CROCC2: variants seen among roughly 807,000 people sequenced by gnomAD.
The protein encoded by CROCC2 is ciliary rootlet coiled-coil protein 2.
A neutral mutation model predicts 177.6 loss-of-function variants in CROCC2; 163 were observed. The observed-to-expected ratio is 0.92, with a 90% CI of 0.81 to 1.05. CROCC2 has a LOEUF of 1.05. Among genes scored for constraint, CROCC2 ranks in the 50% least tolerant of loss-of-function variants. The pLI is 0.00. For missense variants in CROCC2, 1,929 were observed against 1,797.8 expected (o/e 1.07, Z -1.32); for synonymous variants, 904 against 787.3 (o/e 1.15, Z -2.48).
Position 240,953,300 on chromosome 2 carries a change from C to T in CROCC2, c.2830-2559C>T, listed in dbSNP as rs748304112. Among the ~76,000 whole-genome samples the T allele has an allele frequency of 8.6e-5, 13 of 151,804 alleles. No individual in the cohort carries two copies. Among genetic ancestry groups the T allele is most frequent in the Admixed American group, 2.6e-4 (4 of 15,254 alleles). ...TGTGGTGGTGGGTGCCTGTAATCCC[C>T]GCTACTCAGGAGGCTGAGGCAGGAG... On this transcript the variant is annotated intron_variant, in intron 18 of 31. Coordinates refer to ENST00000690015, the MANE Select transcript of CROCC2 (RefSeq NM_001351305.2). The surrounding 1 kb of genome is among the most constrained non-coding windows in gnomAD (Gnocchi z 4.0).
At position 240,909,966 on chromosome 2, in the gene CROCC2, C is replaced by A. The variant is rs117746841; in HGVS notation, c.78+3375C>A. ...GGCCCCCTGTGACCAGGGGTGGTGG[C>A]TCTGGACGGATGGCGAACATGCTCC... On this transcript the variant is annotated intron_variant, in intron 1 of 31. Coordinates refer to ENST00000690015, the MANE Select transcript of CROCC2 (RefSeq NM_001351305.2). Among the ~76,000 whole-genome samples the A allele has an allele frequency of 9.5e-4, 145 of 152,212 alleles. 3 individuals are homozygous for A. The East Asian group carries it at 0.027, about 29-fold the overall frequency.
rs149928632 is a variant in CROCC2 at position 240,990,448 on chromosome 2, C to G, written c.4863+615C>G. ...TCTGTTCATTTTACAGATGAGGAAA[C>G]TGAGGCCCAGGAGGTGACCTGACTG... On this transcript the variant is annotated intron_variant, in intron 30 of 31. Transcript: ENST00000690015. 1.4e-4 allele frequency among the ~76,000 whole-genome samples: 22 copies of G among 152,328 alleles called. No individual in the cohort carries two copies. In the East Asian group the frequency reaches 4.1e-3, roughly 28 times the overall value.
intron 12 of CROCC2, 86 bp from the exon 13 acceptor site, chr2:240,934,830 G>A: frequency 7.4e-7 from 1 of 1,358,938 alleles, no homozygotes; most frequent in Non-Finnish European, 9.7e-7. Context: ...ACACCTCCGT[G>A]GCTCAGGGCT....
rs547588945 is a variant in CROCC2, at chr2:240,946,133, C to T, written c.2243C>T (p.Thr748Ile). The T allele has an allele frequency of 5.8e-6, 9 of 1,547,174 alleles. No homozygotes were observed. In the East Asian group the frequency reaches 1.7e-4, roughly 29 times the overall value. Residue 748 changes from threonine to isoleucine, a missense_variant, in exon 15 of 32, where the codon ACT (threonine) becomes ATT (isoleucine). Physicochemically the swap from Thr to Ile is moderately conservative, Grantham distance 89. Around this residue, in one of 3 missense-constraint regions of CROCC2, gnomAD observed 1,397 missense variants for 1,239.9 expected, o/e 1.13. Coordinates refer to ENST00000690015, the MANE Select transcript of CROCC2 (RefSeq NM_001351305.2). ...CAGGACCAGGAGGCCCAGATGGGCA[C>T]TCTGCAGCAAGCCCTGCAAGGAAAG... The part of the protein sequence containing the change: ...SLQDQEAQMG[T>I]LQQALQGKDA...
At chr2:240,928,433 T>TGTGC (rs1430838461) in intron 5 of CROCC2, among the ~76,000 whole-genome samples, 1 of 148,496 alleles carries the variant, frequency 6.7e-6, no homozygotes, top group Non-Finnish European at 1.5e-5. Flanking sequence ...TGTGTGTGTG[T>TGTGC]GTGTGTGTGT....
At position 240,918,307 on chromosome 2, in the gene CROCC2, C is replaced by T. The variant is rs532105784; in HGVS notation, c.79-419C>T. Among the ~76,000 whole-genome samples, 38 of 152,278 alleles carry T rather than the reference C, an allele frequency of 2.5e-4. No individual in the cohort carries two copies. Among genetic ancestry groups the T allele is most frequent in the African/African-American group, 9.1e-4 (38 of 41,564 alleles). ...ATCTAGGTCCCTCCTCTGGCCCCACCGTGCAAACAAGCTGTGAGACCACCT... is the reference window on the plus strand; with the variant it reads ...ATCTAGGTCCCTCCTCTGGCCCCACTGTGCAAACAAGCTGTGAGACCACCT... On this transcript the variant is annotated intron_variant, in intron 1 of 31. Transcript: ENST00000690015. This position sits in a 1 kb window ranked among gnomAD's most constrained non-coding sequence, Gnocchi z 6.3.
chr2:240,966,525 G>A (rs538701180), intron 25 of CROCC2, 116 bp downstream of exon 25: 134 of 397,468 alleles, frequency 3.4e-4, no homozygotes, highest in South Asian at 1.4e-4. Context: ...TGTCCAGGCC[G>A]TCCTGTTTGT....
intron 7 of CROCC2, among the ~76,000 whole-genome samples, chr2:240,932,106 G>T (rs1242813686): frequency 6.6e-6 from 1 of 152,226 alleles, no homozygotes; most frequent in Non-Finnish European, 1.5e-5. Flanking sequence ...CAGGGTGTGG[G>T]CCTTGACTCC....
At chr2:240,937,021 A>G (rs2059475385) in intron 14 of CROCC2, among the ~76,000 whole-genome samples, 1 of 152,224 alleles carries the variant, frequency 6.6e-6, no homozygotes, top group African/African-American at 2.4e-5. Flanking sequence ...AAAACTGTGC[A>G]CTCACTGTAT....
At chr2:240,959,669 G>A (rs1376654747) in intron 20 of CROCC2, 3 of 490,272 alleles carry the variant, frequency 6.1e-6, no homozygotes, top group Non-Finnish European at 1.0e-5. Context: ...CAGGGCAGAT[G>A]AAATGGTGCC....
intron 27 of CROCC2, among the ~76,000 whole-genome samples, chr2:240,975,037 T>C (rs1196478484): frequency 6.6e-6 from 1 of 152,194 alleles, no homozygotes; most frequent in Admixed American, 6.5e-5. Context: ...CAGTTGTTTA[T>C]TGGTCGTTTG....
intron 14 of CROCC2, among the ~76,000 whole-genome samples, chr2:240,940,731 G>C (rs1321988525): frequency 6.6e-6 from 1 of 152,108 alleles, no homozygotes; most frequent in African/African-American, 2.4e-5. Flanking sequence ...CAAACCCATA[G>C]CCAACATTAC....
At chr2:240,968,052 C>T in intron 26 of CROCC2, 77 bp from the exon 27 acceptor site, 3 of 1,333,256 alleles carry the variant, frequency 2.3e-6, no homozygotes, top group Non-Finnish European at 2.9e-6. Context: ...TCACTCAAGT[C>T]CACAGAGCCC....
Position 240,991,291 on chromosome 2 carries a change from G to A in CROCC2, c.4946+13G>A. Reference sequence around the variant, plus strand: ...TCCAGACAGGACAGTGAGCCCTGCTGCATACCACCCAGCAGCCTAGCTGCC... The same window carrying A: ...TCCAGACAGGACAGTGAGCCCTGCTACATACCACCCAGCAGCCTAGCTGCC... On this transcript the variant is annotated intron_variant, in intron 31 of 31. Transcript: ENST00000690015. The A allele has an allele frequency of 1.3e-6, 2 of 1,544,476 alleles. No individual in the cohort carries two copies. The highest frequency in any genetic ancestry group is 4.9e-5 in the East Asian group (2 of 40,672).
At chr2:240,928,090 G>A (rs2059405173) in intron 5 of CROCC2, among the ~76,000 whole-genome samples, 2 of 152,200 alleles carry the variant, frequency 1.3e-5, no homozygotes, top group African/African-American at 4.8e-5. Context: ...TCTGATCATG[G>A]TCCTTTGTTT....
intron 28 of CROCC2, among the ~76,000 whole-genome samples, chr2:240,985,701 CACTCCACA>C (rs1229047678): frequency 3.8e-5 from 4 of 105,712 alleles, no homozygotes; most frequent in Admixed American, 8.9e-5. Flanking sequence ...CCCAGGCACT[CACTCCACA>C]CACACACACC....
At chr2:240,962,010 C>CCA (rs869266774) in intron 20 of CROCC2, among the ~76,000 whole-genome samples, 1,340 of 43,454 alleles carry the variant, frequency 0.031, 13 homozygotes, top group African/African-American at 0.04. Flanking sequence ...CACTCATCAC[C>CCA]CACACACACA....
At position 240,925,887 on chromosome 2, in the gene CROCC2, C is replaced by A; in HGVS notation, c.645+7C>A. The A allele has an allele frequency of 1.4e-6, 1 of 708,400 alleles. No individual in the cohort carries two copies. The highest frequency in any genetic ancestry group is 2.6e-6 in the Non-Finnish European group (1 of 381,010). 43.9% of individuals were successfully genotyped at this position (708,400 alleles called of 1,614,324 possible). A position where few individuals can be genotyped will look rare whatever the true frequency, so the allele number is the denominator to read the frequency against. ...GCGCTGGGCCCAGAGACAGGTGCTC[C>A]CCCAACCCTTGCTCACCTCATGGCG... is the stretch of plus-strand genomic sequence containing the variant. On this transcript the variant is annotated splice_region_variant and intron_variant, in intron 5 of 31. Coordinates refer to ENST00000690015, the MANE Select transcript of CROCC2 (RefSeq NM_001351305.2).
At chr2:240,950,913 A>ACCCATCCATCCACCCATCCACCT (rs1184132746) in intron 18 of CROCC2, 1 of 157,856 alleles carries the variant, frequency 6.3e-6, no homozygotes, top group Non-Finnish European at 1.3e-5. Context: ...CCATCCATCC[A>ACCCATCCATCCACCCATCCACCT]GCCATCCATC....
Sources: gnomAD v4.1 joint callset for allele counts (sites outside exome capture counted in the v4.1 genomes callset) on GRCh38, gnomAD v4.1.1 for gene constraint, gnomAD v4.1.1 regional missense constraint, Gnocchi (gnomAD v3.1) non-coding constraint, MANE v1.5 for transcripts, NCBI Gene and HGNC (gene_info 2026-07-23, HGNC 2026-07-21) for gene names.